The following DNAH3 variants were observed in gnomAD, a reference collection of about 807,000 sequenced individuals.
DNAH3 encodes the protein dynein axonemal heavy chain 3.
In DNAH3, 332 loss-of-function variants were observed where a neutral mutation model predicts 432.5. The ratio of observed to expected loss-of-function variants is 0.77; its 90% CI spans 0.70 to 0.84. DNAH3 has a LOEUF of 0.84. Among genes scored for constraint, DNAH3 ranks in the 40% least tolerant of loss-of-function variants. The probability of loss-of-function intolerance (pLI) is 0.00; values close to 1 mark genes in which losing one functional copy is unlikely to be tolerated. For synonymous variants in DNAH3, 1,956 were observed against 1,900.2 expected (o/e 1.03, Z -0.76); for missense variants, 4,861 against 5,114.0 (o/e 0.95, Z 1.51).
At chr16:20,961,962 A>G (rs1391020929) in intron 53 of DNAH3, among the ~76,000 whole-genome samples, 2 of 151,504 alleles carry the variant, frequency 1.3e-5, no homozygotes, top group Non-Finnish European at 2.9e-5. Context: ...GGAGTTCAAG[A>G]CCAGCCTGGC....
chr16:21,033,999 A>G, exon 36 of DNAH3: 1 of 1,613,760 alleles, frequency 6.2e-7, no homozygotes, highest in African/African-American at 1.3e-5. Flanking sequence ...CGAGAGCTGC[A>G]GCCAACACTT....
At chr16:21,051,800 G>T in exon 29 of DNAH3, 1 of 1,614,084 alleles carries the variant, frequency 6.2e-7, no homozygotes, top group Non-Finnish European at 8.5e-7. Context: ...TAGCGCAGCT[G>T]TGAGATCCAT....
rs111436439 is a variant in DNAH3, at chr16:21,122,802, GT to G, written c.1405-679del. On this transcript the variant is annotated intron_variant, in intron 9 of 61. Transcript: ENST00000261383. ...GAACTTGTGTATTTCTACTTCCTCT[GT>G]TTTTTTTTTAATTTATTTTATTTGT... 3.5e-3 allele frequency among the ~76,000 whole-genome samples: 522 copies of G among 148,176 alleles called. 2 individuals carry two copies. Among genetic ancestry groups the G allele is most frequent in the African/African-American group, 0.012 (469 of 40,322 alleles).
At chr16:21,054,060 A>G (rs1175190523) in intron 28 of DNAH3, among the ~76,000 whole-genome samples, 4 of 152,162 alleles carry the variant, frequency 2.6e-5, no homozygotes, top group African/African-American at 9.7e-5. Context: ...TATGAAAATG[A>G]GATAATGTAT....
At chr16:21,049,779 C>T (rs953314062) in intron 30 of DNAH3, 97 bp from the exon 31 acceptor site, 1 of 1,373,428 alleles carries the variant, frequency 7.3e-7, no homozygotes, top group South Asian at 1.2e-5. Flanking sequence ...TCTCTCCTTG[C>T]TCTGCTTGAA....
intron 41 of DNAH3, among the ~76,000 whole-genome samples, chr16:21,003,729 T>C (rs2087141292): frequency 1.3e-5 from 2 of 152,186 alleles, no homozygotes; most frequent in South Asian, 4.2e-4. Flanking sequence ...GAGCCGAGAT[T>C]GTGTCACTGC....
intron 7 of DNAH3, among the ~76,000 whole-genome samples, chr16:21,132,768 G>T (rs930131824): frequency 2.6e-5 from 4 of 152,104 alleles, no homozygotes; most frequent in African/African-American, 7.2e-5. Flanking sequence ...ACTGCTAATG[G>T]GTTTCTTTTT....
chr16:21,116,263 C>T (rs2092196986), intron 12 of DNAH3, among the ~76,000 whole-genome samples: 2 of 151,760 alleles, frequency 1.3e-5, no homozygotes, highest in South Asian at 4.2e-4. Flanking sequence ...GTGTCCCCAC[C>T]CAAATTTCAT....
chr16:21,066,630 A>G (rs2090560526), intron 24 of DNAH3, among the ~76,000 whole-genome samples: 2 of 152,170 alleles, frequency 1.3e-5, no homozygotes, highest in African/African-American at 4.8e-5. Flanking sequence ...TGGCCTCCCA[A>G]AATGTTGTGA....
At chr16:21,072,839 A>C (rs2090842065) in intron 21 of DNAH3, among the ~76,000 whole-genome samples, 1 of 147,632 alleles carries the variant, frequency 6.8e-6, no homozygotes. Flanking sequence ...TATTATTATT[A>C]TTACTATTAT....
At chr16:21,153,711 C>G (rs988180899) in intron 1 of DNAH3, among the ~76,000 whole-genome samples, 1 of 151,990 alleles carries the variant, frequency 6.6e-6, no homozygotes. Context: ...CGAACACATC[C>G]GAGCATCAGA....
intron 27 of DNAH3, among the ~76,000 whole-genome samples, chr16:21,055,804 G>C (rs899093827): frequency 6.7e-6 from 1 of 148,194 alleles, no homozygotes; most frequent in African/African-American, 2.5e-5. Flanking sequence ...GGAGTGCACA[G>C]GCACAAACAT....
chr16:21,148,996 C>T (rs2092820607), intron 1 of DNAH3, among the ~76,000 whole-genome samples: 2 of 151,976 alleles, frequency 1.3e-5, no homozygotes, highest in East Asian at 1.9e-4. Context: ...TTTGGGAGGC[C>T]GAGGCGGGTG....
intron 21 of DNAH3, among the ~76,000 whole-genome samples, chr16:21,072,437 C>T (rs1466878531): frequency 6.6e-6 from 1 of 152,074 alleles, no homozygotes; most frequent in East Asian, 1.9e-4. Context: ...ATTCATTCTC[C>T]TGCCTCAGCC....
chr16:21,043,124 G>A (rs1009498273), intron 31 of DNAH3, among the ~76,000 whole-genome samples: 18 of 152,038 alleles, frequency 1.2e-4, no homozygotes, highest in African/African-American at 4.1e-4. Flanking sequence ...TAATGCTGCA[G>A]TAAACATACG....
chr16:21,003,029 T>C (rs2087106643), intron 42 of DNAH3, 75 bp downstream of exon 42: 1 of 1,019,050 alleles, frequency 9.8e-7, no homozygotes. Flanking sequence ...GCAAAGACTG[T>C]TAATTCTTCC....
At chr16:20,969,292 ATG>A (rs35457410) in intron 52 of DNAH3, among the ~76,000 whole-genome samples, 10,802 of 145,868 alleles carry the variant, frequency 0.074, 512 homozygotes, top group East Asian at 0.18. Context: ...ATGTGTGTGC[ATG>A]TGTGTGTGTG....
At chr16:20,957,763 C>T (rs1307637514) in intron 54 of DNAH3, among the ~76,000 whole-genome samples, 5 of 128,292 alleles carry the variant, frequency 3.9e-5, no homozygotes, top group African/African-American at 6.0e-5. Flanking sequence ...GTGGAGATCG[C>T]GTCATTGCAC....
At position 21,136,369 on chromosome 16, in the gene DNAH3, G is replaced by A. The variant is rs2092642917; in HGVS notation, c.841C>T (p.Gln281Ter). The change falls in exon 6 of 62, where the codon CAG becomes TAG. Residue 281 changes from glutamine to a stop codon, truncating the protein, a stop_gained. Coordinates refer to ENST00000261383, the Ensembl canonical transcript of DNAH3. LOFTEE classifies it high-confidence loss of function. ...CAGTAATAGTCATTCTCCTTCTCCT[G>A]CACGAGGACCACCATCAGGGGCTCC... The A allele has an allele frequency of 6.2e-7, 1 of 1,613,868 alleles. No individual in the cohort carries two copies. The highest frequency in any genetic ancestry group is 1.7e-5 in the Admixed American group (1 of 59,988).
Sources: gnomAD v4.1 joint callset for allele counts (sites outside exome capture counted in the v4.1 genomes callset) on GRCh38, gnomAD v4.1.1 for gene constraint, MANE v1.5 for transcripts, NCBI Gene and HGNC (gene_info 2026-07-23, HGNC 2026-07-21) for gene names.